Variants in HMG20A observed in about 807,000 individuals in gnomAD.
HMG20A encodes the protein high mobility group 20A, also known as high mobility group protein 20A.
Under a neutral mutation model 43.9 loss-of-function variants are expected in HMG20A, and 17 were observed. The observed-to-expected ratio is 0.39, with a 90% CI of 0.27 to 0.58. HMG20A has a LOEUF of 0.58. HMG20A is among the 20% of genes least tolerant of loss of function. The pLI is 0.59. For synonymous variants in HMG20A, 132 were observed against 147.5 expected (o/e 0.89, Z 0.76); for missense variants, 341 against 438.2 (o/e 0.78, Z 1.98).
chr15:77,509,045 A>T, the HMG20A span, among the ~76,000 whole-genome samples: 1 of 152,190 alleles, frequency 6.6e-6, no homozygotes, highest in African/African-American at 2.4e-5. Context: ...GTAGGGACAC[A>T]GCAGTTTCAG....
Position 77,467,320 on chromosome 15 carries a change from A to G in HMG20A, c.450+13A>G. 1.9e-6 allele frequency: 3 copies of G among 1,583,206 alleles called. No homozygotes were observed. The highest frequency in any genetic ancestry group is 1.7e-6 in the Non-Finnish European group (2 of 1,152,030). ...TGAGGAAAAACAGGTAATTGTTCCT[A>G]TTCCTGACTCTTTGTTTGGTTTTGA... On this transcript the variant is annotated intron_variant, in intron 4 of 9. Coordinates refer to ENST00000336216, the MANE Select transcript of HMG20A (RefSeq NM_001304504.2).
the HMG20A span, among the ~76,000 whole-genome samples, chr15:77,506,699 G>T: frequency 1.3e-5 from 2 of 152,234 alleles, no homozygotes; most frequent in Non-Finnish European, 2.9e-5. Context: ...CCACGTTCCG[G>T]TTTTCACGCC....
the HMG20A span, among the ~76,000 whole-genome samples, chr15:77,497,655 T>TAGAGAGAGAGAG: frequency 5.4e-3 from 691 of 127,664 alleles, 4 homozygotes; most frequent in African/African-American, 0.021. Context: ...GAGATATTAA[T>TAGAGAGAGAGAG]AGAGAGAGAG....
chr15:77,483,635 CAG>C lies in HMG20A; in HGVS notation c.*673_*674del, dbSNP rs2072923277. 6.5e-6 allele frequency: 1 copy of C among 152,730 alleles called. No individual in the cohort carries two copies. The highest frequency in any genetic ancestry group is 1.5e-5 in the Non-Finnish European group (1 of 68,152). 9.5% of individuals were successfully genotyped at this position (152,730 alleles called of 1,614,324 possible). A position where few individuals can be genotyped will look rare whatever the true frequency, so the allele number is the denominator to read the frequency against. ...ACGGTGCTCAGTGGGTGCCAGCCCT[CAG>C]TGTGGCTTTGTGATTGCTGCCCTAA... On this transcript the variant is annotated 3_prime_UTR_variant, in exon 10 of 10. Transcript: ENST00000336216.
intron 1 of HMG20A, among the ~76,000 whole-genome samples, chr15:77,431,662 C>A (rs994346542): frequency 2.0e-5 from 3 of 152,120 alleles, no homozygotes; most frequent in African/African-American, 7.2e-5. Flanking sequence ...AAACACTGAG[C>A]ATCTACTCTC....
downstream of HMG20A, among the ~76,000 whole-genome samples, chr15:77,487,548 A>G (rs538488608): frequency 6.6e-6 from 1 of 152,216 alleles, no homozygotes; most frequent in African/African-American, 2.4e-5. Context: ...CCCCTACCCT[A>G]CAACAGCTGG....
At chr15:77,466,354 C>G (rs997399084) in intron 3 of HMG20A, among the ~76,000 whole-genome samples, 2 of 151,948 alleles carry the variant, frequency 1.3e-5, no homozygotes, top group African/African-American at 4.8e-5. Context: ...GCACTACAGC[C>G]TGGGCAAGAA....
intron 3 of HMG20A, among the ~76,000 whole-genome samples, chr15:77,466,336 G>C (rs1486196880): frequency 6.6e-6 from 1 of 152,094 alleles, no homozygotes; most frequent in Non-Finnish European, 1.5e-5. Flanking sequence ...AGCCGAGATA[G>C]CGCCATTGCA....
the HMG20A span, among the ~76,000 whole-genome samples, chr15:77,492,665 T>A: frequency 0.03 from 4,593 of 151,458 alleles, 91 homozygotes; most frequent in Non-Finnish European, 0.046. Flanking sequence ...AAAAAAAAAA[T>A]TTTTAATTAG....
intron 2 of HMG20A, among the ~76,000 whole-genome samples, chr15:77,462,312 A>G (rs1273709015): frequency 6.6e-6 from 1 of 152,082 alleles, no homozygotes; most frequent in African/African-American, 2.4e-5. Context: ...TCTTCTCTCC[A>G]GTTATCTTAA....
the HMG20A span, among the ~76,000 whole-genome samples, chr15:77,509,675 G>A: frequency 6.6e-6 from 1 of 151,252 alleles, no homozygotes; most frequent in Non-Finnish European, 1.5e-5. Context: ...GGAGGCCGAA[G>A]TGGGCAGATC....
chr15:77,452,969 A>G (rs1351682939), intron 1 of HMG20A, among the ~76,000 whole-genome samples: 3 of 152,236 alleles, frequency 2.0e-5, no homozygotes, highest in Admixed American at 1.3e-4. Flanking sequence ...GCTCACGCCT[A>G]TAATCTCAAC....
At chr15:77,504,217 C>A in the HMG20A span, among the ~76,000 whole-genome samples, 2 of 152,340 alleles carry the variant, frequency 1.3e-5, no homozygotes, top group South Asian at 4.1e-4. Context: ...AGGGACCCCA[C>A]ACCTAGCCTA....
chr15:77,500,912 T>C, the HMG20A span, among the ~76,000 whole-genome samples: 18 of 152,176 alleles, frequency 1.2e-4, no homozygotes, highest in African/African-American at 3.1e-4. Context: ...TCCTCTTTCC[T>C]ACTGCTTGGC....
chr15:77,503,811 A>C, the HMG20A span, among the ~76,000 whole-genome samples: 2 of 152,212 alleles, frequency 1.3e-5, no homozygotes, highest in Non-Finnish European at 2.9e-5. Context: ...GGTAGGGCCC[A>C]AGAGTCTGTA....
At position 77,478,369 on chromosome 15, in the gene HMG20A, C is replaced by T; in HGVS notation, c.766C>T (p.His256Tyr). The change falls in exon 8 of 10, where the codon CAC becomes TAC. Residue 256 changes from histidine (H) to tyrosine (Y), a missense_variant. Transcript: ENST00000336216. Reference protein sequence around the residue: ...FEERNAALQKHVESMRTAVEK... With the variant: ...FEERNAALQKYVESMRTAVEK... ...GGAGAGGAATGCAGCCCTGCAAAAG[C>T]ACGTGGAGAGCATGCGCACAGCAGT... 2 of 1,613,648 alleles carry T rather than the reference C, an allele frequency of 1.2e-6. No homozygotes were observed. Among genetic ancestry groups the T allele is most frequent in the Non-Finnish European group, 1.7e-6 (2 of 1,180,032 alleles).
rs768387612 is a variant in HMG20A at position 77,478,353 on chromosome 15, T to C, written c.750T>C (p.Asn250=). 1 of 1,613,560 alleles carries C rather than the reference T, an allele frequency of 6.2e-7. No individual in the cohort carries two copies. Among genetic ancestry groups the C allele is most frequent in the African/African-American group, 1.3e-5 (1 of 74,926 alleles). ...CCAACATGGAGTTTGAGGAGAGGAA[T>C]GCAGCCCTGCAAAAGCACGTGGAGA... is the stretch of plus-strand genomic sequence containing the variant. ...RKSNMEFEER[N]AALQKHVESM... The change falls in exon 8 of 10, where the codon AAT becomes AAC. Residue 250 remains asparagine, a synonymous_variant. Coordinates refer to ENST00000336216, the MANE Select transcript of HMG20A (RefSeq NM_001304504.2).
chr15:77,515,279 C>G, the HMG20A span, among the ~76,000 whole-genome samples: 1 of 152,136 alleles, frequency 6.6e-6, no homozygotes, highest in African/African-American at 2.4e-5. Context: ...AAGGAGGCAG[C>G]CGCCAGCTAA....
intron 4 of HMG20A, among the ~76,000 whole-genome samples, chr15:77,469,738 G>C (rs2072789713): frequency 6.6e-6 from 1 of 152,114 alleles, no homozygotes; most frequent in South Asian, 2.1e-4. Context: ...CACACTCTCG[G>C]CTCATTGCAA....
Sources: gnomAD v4.1 joint callset for allele counts (sites outside exome capture counted in the v4.1 genomes callset) on GRCh38, gnomAD v4.1.1 for gene constraint, MANE v1.5 for transcripts, NCBI Gene and HGNC (gene_info 2026-07-23, HGNC 2026-07-21) for gene names.